The following CADPS2 variants were observed in gnomAD, a reference collection of about 807,000 sequenced individuals.
CADPS2 encodes the protein calcium-dependent secretion activator 2.
Under a neutral mutation model 172.5 loss-of-function variants are expected in CADPS2, and 93 were observed. That is an observed-to-expected ratio of 0.54 (90% confidence interval 0.46 to 0.64). The LOEUF (loss-of-function observed/expected upper bound fraction) is 0.64. Among genes scored for constraint, CADPS2 ranks in the 30% least tolerant of loss-of-function variants. The pLI is 0.00. For missense variants in CADPS2, 1,420 were observed against 1,565.9 expected, an observed-to-expected ratio of 0.91 and a Z score of 1.57; for synonymous variants, 546 against 555.2, an observed-to-expected ratio of 0.98 and a Z score of 0.23.
At chr7:122,879,538 A>T (rs1822296857) in intron 1 of CADPS2, among the ~76,000 whole-genome samples, 1 of 152,016 alleles carries the variant, frequency 6.6e-6, no homozygotes, top group South Asian at 2.1e-4. Context: ...CCATCTCAAA[A>T]ATAAAAAATA....
chr7:122,484,305 A>T (rs2057587324), intron 11 of CADPS2, among the ~76,000 whole-genome samples: 1 of 152,172 alleles, frequency 6.6e-6, no homozygotes, highest in Non-Finnish European at 1.5e-5. Context: ...TGTGGTAATA[A>T]TATTAAGATA....
intron 17 of CADPS2, among the ~76,000 whole-genome samples, chr7:122,422,792 TAAA>T (rs35816048): frequency 0.034 from 4,550 of 132,892 alleles, 147 homozygotes; most frequent in African/African-American, 0.085. Context: ...CCGTCTCTAT[TAAA>T]AAAAAAAAAA....
At chr7:122,345,756 T>C (rs1488890615) in intron 27 of CADPS2, 75 bp from the exon 28 acceptor site, 25 of 960,876 alleles carry the variant, frequency 2.6e-5, no homozygotes, top group South Asian at 9.5e-5. Context: ...AATCATACCC[T>C]GAAAAATAAT....
intron 12 of CADPS2, among the ~76,000 whole-genome samples, chr7:122,476,487 T>C (rs77360429): frequency 0.04 from 6,043 of 152,294 alleles, 169 homozygotes; most frequent in African/African-American, 0.067. Flanking sequence ...AATTAAATCA[T>C]ATTTTTGTAA....
intron 1 of CADPS2, among the ~76,000 whole-genome samples, chr7:122,742,695 A>G (rs576549028): frequency 6.6e-6 from 1 of 152,308 alleles, no homozygotes; most frequent in South Asian, 2.1e-4. Flanking sequence ...AAAAACTTCT[A>G]AAACATTCTT....
At chr7:122,323,582 C>G (rs1255526829) in intron 29 of CADPS2, among the ~76,000 whole-genome samples, 3 of 151,666 alleles carry the variant, frequency 2.0e-5, no homozygotes, top group Non-Finnish European at 4.4e-5. Flanking sequence ...AAAAATTTCA[C>G]TCTTGCTTAA....
At chr7:122,827,072 C>T (rs920529088) in intron 1 of CADPS2, among the ~76,000 whole-genome samples, 1 of 152,026 alleles carries the variant, frequency 6.6e-6, no homozygotes, top group Non-Finnish European at 1.5e-5. Flanking sequence ...ACACAAAACA[C>T]CAATGTCAAG....
chr7:122,697,999 T>C, intron 2 of CADPS2: 1 of 1,613,580 alleles, frequency 6.2e-7, no homozygotes, highest in Non-Finnish European at 8.5e-7. Context: ...AACAACCACT[T>C]GAATCCCCAA....
At chr7:122,869,772 GCTAA>G (rs1200175057) in intron 1 of CADPS2, among the ~76,000 whole-genome samples, 7 of 152,058 alleles carry the variant, frequency 4.6e-5, no homozygotes, top group Admixed American at 1.3e-4. Flanking sequence ...TTAATAATTT[GCTAA>G]CTGACACAAA....
At position 122,554,621 on chromosome 7, in the gene CADPS2, AT is replaced by A. The variant is rs2064784643; in HGVS notation, c.1403del (p.Asn468IlefsTer7). 6.2e-7 allele frequency: 1 copy of A among 1,611,906 alleles called. No homozygotes were observed. The highest frequency in any genetic ancestry group is 8.5e-7 in the Non-Finnish European group (1 of 1,178,820). On this transcript the variant is annotated frameshift_variant, in exon 8 of 30. Coordinates refer to ENST00000449022, the MANE Select transcript of CADPS2 (RefSeq NM_017954.11). LOFTEE classifies it high-confidence loss of function. ...AELHRMVVPK[N>X]SQDSDLKIKL... ...TGATTTTTAAGTCAGAATCCTGGCTATTTTTTGGAACTACCATTCGGTGTAA... is the reference window on the plus strand; with the variant it reads ...TGATTTTTAAGTCAGAATCCTGGCTATTTTTGGAACTACCATTCGGTGTAA...
intron 17 of CADPS2, among the ~76,000 whole-genome samples, chr7:122,437,591 C>T (rs536021874): frequency 2.0e-5 from 3 of 150,852 alleles, no homozygotes; most frequent in Admixed American, 1.3e-4. Flanking sequence ...TGCATTTTTT[C>T]CCTCTATTAG....
At chr7:122,849,644 G>A (rs1812985027) in intron 1 of CADPS2, 12 of 308,400 alleles carry the variant, frequency 3.9e-5, no homozygotes, top group South Asian at 3.1e-4. Context: ...GTTTACTACT[G>A]TAGCCAGCTG....
At chr7:122,811,599 C>A (rs566136750) in intron 1 of CADPS2, among the ~76,000 whole-genome samples, 64 of 152,084 alleles carry the variant, frequency 4.2e-4, no homozygotes, top group African/African-American at 1.4e-3. Flanking sequence ...GGTTTTCAGT[C>A]ACCAATAATT....
chr7:122,594,254 G>A (rs1017967535), intron 6 of CADPS2, among the ~76,000 whole-genome samples: 1 of 151,798 alleles, frequency 6.6e-6, no homozygotes, highest in African/African-American at 2.4e-5. Flanking sequence ...GGGCAAAATA[G>A]TGAGACCCAG....
At chr7:122,360,847 A>C (rs2040031105) in intron 26 of CADPS2, 27 bp from the exon 27 acceptor site, 1 of 1,581,244 alleles carries the variant, frequency 6.3e-7, no homozygotes, top group South Asian at 1.2e-5. Context: ...AGAGATAATC[A>C]TGAGAATTAT....
intron 17 of CADPS2, among the ~76,000 whole-genome samples, chr7:122,436,909 T>C (rs1040173688): frequency 1.3e-5 from 2 of 152,130 alleles, no homozygotes; most frequent in Non-Finnish European, 2.9e-5. Context: ...AAGTTAATAG[T>C]CAAAAATATT....
chr7:122,550,383 T>TA (rs2064120524), intron 8 of CADPS2, among the ~76,000 whole-genome samples: 1 of 152,190 alleles, frequency 6.6e-6, no homozygotes, highest in Non-Finnish European at 1.5e-5. Flanking sequence ...GTAGTTTTGC[T>TA]AAAATTTTAT....
intron 14 of CADPS2, among the ~76,000 whole-genome samples, chr7:122,457,193 G>T (rs182114037): frequency 2.0e-5 from 3 of 152,080 alleles, no homozygotes; most frequent in Admixed American, 2.0e-4. Context: ...AGAGAAAAAG[G>T]GTACAAAACT....
intron 2 of CADPS2, among the ~76,000 whole-genome samples, chr7:122,725,965 G>A (rs962652665): frequency 7.2e-5 from 11 of 151,726 alleles, no homozygotes; most frequent in East Asian, 1.9e-4. Context: ...TATCATCCCC[G>A]TGTCCCTAAA....
Sources: gnomAD v4.1 joint callset for allele counts (sites outside exome capture counted in the v4.1 genomes callset) on GRCh38, gnomAD v4.1.1 for gene constraint, MANE v1.5 for transcripts, NCBI Gene and HGNC (gene_info 2026-07-23, HGNC 2026-07-21) for gene names.